Variants in ITPR2 observed in about 807,000 individuals in gnomAD.
ITPR2 encodes the protein inositol 1,4,5-trisphosphate receptor type 2.
Under a neutral mutation model 317.1 loss-of-function variants are expected in ITPR2, and 207 were observed. That is an observed-to-expected ratio of 0.65 (90% CI 0.58 to 0.73). The LOEUF (loss-of-function observed/expected upper bound fraction) is 0.73, where lower values mean the gene tolerates loss of function less well. Ranked by LOEUF, ITPR2 falls within the 30% of genes least tolerant of loss-of-function variation. ITPR2 has a pLI of 0.00. For synonymous variants in ITPR2, 1,156 were observed against 1,149.1 expected, an observed-to-expected ratio of 1.01 and a Z score of -0.12; for missense variants, 2,613 against 3,284.0, an observed-to-expected ratio of 0.80 and a Z score of 4.99.
Position 26,630,155 on chromosome 12 carries a change from A to T in ITPR2, c.2934+1711T>A, listed in dbSNP as rs181333816. ...AGATGCTTCACATGGAAGGGTGTTT[A>T]AAATCCTATTTTTTAAAGTAAAGGA... is the stretch of plus-strand genomic sequence containing the variant. On this transcript the variant is annotated intron_variant, in intron 22 of 56. Coordinates refer to ENST00000381340, the MANE Select transcript of ITPR2 (RefSeq NM_002223.4). Among the ~76,000 whole-genome samples the T allele has an allele frequency of 2.5e-3, 384 of 152,350 alleles. 1 individual carries two copies. Among genetic ancestry groups the T allele is most frequent in the Admixed American group, 3.8e-3 (58 of 15,302 alleles).
chr12:26,792,860 A>G (rs1201874998), intron 1 of ITPR2, among the ~76,000 whole-genome samples: 2 of 152,160 alleles, frequency 1.3e-5, no homozygotes, highest in Non-Finnish European at 2.9e-5. Context: ...GTGGATATTT[A>G]CCAGGAGTTC....
In ITPR2 at chr12:26,832,750, A is replaced by G. The variant is rs1951138084; in HGVS notation, c.32T>C (p.Ile11Thr). The G allele has an allele frequency of 3.7e-6, 6 of 1,603,046 alleles. No homozygotes were observed. The highest frequency in any genetic ancestry group is 1.1e-5 in the South Asian group (1 of 89,726). The change falls in exon 1 of 57, where the codon ATA becomes ACA. Residue 11 changes from isoleucine to threonine, a missense_variant. Ile to Thr is a moderately conservative substitution (Grantham distance 89). Transcript: ENST00000381340. ...CGCGTACAGGGACACGATGTCCCCT[A>G]TGTAGAGGAAGCTGGACATTTTCTC... is the stretch of plus-strand genomic sequence containing the variant. MTEKMSSFLY[I>T]GDIVSLYAEG...
intron 55 of ITPR2, among the ~76,000 whole-genome samples, chr12:26,354,968 G>A (rs1378368235): frequency 6.6e-6 from 1 of 152,108 alleles, no homozygotes; most frequent in African/African-American, 2.4e-5. Flanking sequence ...CTGGCAAGTT[G>A]GTGGTTCTCA....
intron 37 of ITPR2, among the ~76,000 whole-genome samples, chr12:26,530,747 A>G (rs758956242): frequency 1.3e-5 from 2 of 152,180 alleles, no homozygotes; most frequent in Non-Finnish European, 2.9e-5. Context: ...ACACTGTAGT[A>G]TATCTACATA....
At chr12:26,646,016 T>C (rs2136874915) in intron 21 of ITPR2, among the ~76,000 whole-genome samples, 1 of 144,704 alleles carries the variant, frequency 6.9e-6, no homozygotes, top group East Asian at 2.0e-4. Context: ...GTATATCCAG[T>C]GGACTAGGGC....
At chr12:26,415,741 C>A (rs943538057) in intron 50 of ITPR2, among the ~76,000 whole-genome samples, 5 of 152,062 alleles carry the variant, frequency 3.3e-5, no homozygotes, top group African/African-American at 1.2e-4. Context: ...GTTTCAAAAC[C>A]AACATAATAT....
chr12:26,357,892 G>T (rs1044579481), intron 55 of ITPR2, among the ~76,000 whole-genome samples: 2 of 152,248 alleles, frequency 1.3e-5, no homozygotes, highest in Non-Finnish European at 2.9e-5. Flanking sequence ...TGAGGAAGCT[G>T]CAGGGCGGCT....
At chr12:26,485,614 G>T (rs979737691) in intron 41 of ITPR2, among the ~76,000 whole-genome samples, 32 of 152,314 alleles carry the variant, frequency 2.1e-4, no homozygotes, top group African/African-American at 6.0e-4. Flanking sequence ...ATTCATTTTT[G>T]AATGTATCCA....
At chr12:26,570,792 T>C (rs1945138679) in intron 34 of ITPR2, among the ~76,000 whole-genome samples, 1 of 152,192 alleles carries the variant, frequency 6.6e-6, no homozygotes, top group Admixed American at 6.5e-5. Flanking sequence ...CTATTTTACT[T>C]CAAATAAACG....
At chr12:26,731,357 T>G (rs1949025729) in intron 2 of ITPR2, among the ~76,000 whole-genome samples, 1 of 152,046 alleles carries the variant, frequency 6.6e-6, no homozygotes, top group Admixed American at 6.6e-5. Flanking sequence ...TGACACAAAG[T>G]GGATCCAGAA....
At chr12:26,359,485 T>C (rs1938754171) in intron 55 of ITPR2, among the ~76,000 whole-genome samples, 2 of 152,184 alleles carry the variant, frequency 1.3e-5, no homozygotes. Context: ...TGTGATCAGA[T>C]TAGTATTAAA....
intron 2 of ITPR2, among the ~76,000 whole-genome samples, chr12:26,778,847 G>T (rs953398801): frequency 1.3e-5 from 2 of 152,120 alleles, no homozygotes; most frequent in African/African-American, 4.8e-5. Context: ...ATTTCTAGAG[G>T]TCCAGTGGTG....
chr12:26,366,785 T>C (rs984055846), intron 55 of ITPR2, among the ~76,000 whole-genome samples: 1 of 152,144 alleles, frequency 6.6e-6, no homozygotes, highest in Non-Finnish European at 1.5e-5. Flanking sequence ...AAAAGAAAAG[T>C]CATTTTTCCC....
At chr12:26,416,653 T>G (rs1365088020) in intron 50 of ITPR2, among the ~76,000 whole-genome samples, 1 of 152,204 alleles carries the variant, frequency 6.6e-6, no homozygotes, top group Non-Finnish European at 1.5e-5. Flanking sequence ...ATGGTTAAAT[T>G]TTTTAAAAGT....
chr12:26,597,911 G>A (rs1306192695), intron 30 of ITPR2, among the ~76,000 whole-genome samples: 1 of 152,106 alleles, frequency 6.6e-6, no homozygotes, highest in African/African-American at 2.4e-5. Flanking sequence ...TATATTTAAA[G>A]TGACAATATA....
Position 26,661,278 on chromosome 12 carries a change from G to GGC in ITPR2, c.1714-1994_1714-1993insGC, listed in dbSNP as rs1210654170. Among the ~76,000 whole-genome samples, 68 of 106,990 alleles carry GGC rather than the reference G, an allele frequency of 6.4e-4. 3 individuals are homozygous for GGC. Among genetic ancestry groups the GGC allele is most frequent in the African/African-American group, 2.1e-3 (64 of 30,186 alleles). 70.2% of individuals were successfully genotyped at this position (106,990 alleles called of 152,430 possible). ...TGACTAGGTAGGGGTGTGTGTGTGG[G>GGC]GGGGGGGGGGTGGGAGGGAACGGGC... is the stretch of plus-strand genomic sequence containing the variant. On this transcript the variant is annotated intron_variant, in intron 15 of 56. Coordinates refer to ENST00000381340, the MANE Select transcript of ITPR2 (RefSeq NM_002223.4).
chr12:26,643,156 C>A (rs1947032147), intron 21 of ITPR2, among the ~76,000 whole-genome samples: 1 of 152,172 alleles, frequency 6.6e-6, no homozygotes, highest in African/African-American at 2.4e-5. Flanking sequence ...AAAAGCAGAC[C>A]CCCACTGGAC....
chr12:26,464,920 A>G (rs1039645416), intron 45 of ITPR2, among the ~76,000 whole-genome samples: 1 of 152,220 alleles, frequency 6.6e-6, no homozygotes, highest in Non-Finnish European at 1.5e-5. Flanking sequence ...CAAGAGTTCT[A>G]TTATGGATAA....
chr12:26,714,860 A>G (rs1424604887), intron 8 of ITPR2, among the ~76,000 whole-genome samples: 4 of 152,224 alleles, frequency 2.6e-5, no homozygotes, highest in African/African-American at 9.6e-5. Context: ...TAGAAATGGC[A>G]TCTACAGAAG....
Sources: allele counts gnomAD v4.1 joint callset (sites outside exome capture counted in the v4.1 genomes callset), GRCh38; gene constraint gnomAD v4.1.1; transcripts MANE v1.5; gene names NCBI Gene and HGNC (gene_info 2026-07-23, HGNC 2026-07-21).